The following TTC17 variants were observed in gnomAD, a reference collection of about 807,000 sequenced individuals.
TTC17 encodes tetratricopeptide repeat protein 17.
A neutral mutation model predicts 143.8 loss-of-function variants in TTC17; 58 were observed. The observed-to-expected ratio is 0.40, with a 90% CI of 0.33 to 0.50. The LOEUF is 0.50. Ranked by LOEUF, TTC17 falls within the 20% of genes least tolerant of loss-of-function variation. The pLI, the probability that TTC17 is intolerant of heterozygous loss-of-function variation, is 0.49. For synonymous variants in TTC17, 501 were observed against 497.8 expected (o/e 1.01, Z -0.09); for missense variants, 1,273 against 1,392.5 (o/e 0.91, Z 1.37).
chr11:43,471,050 G>A (rs1346816679), intron 21 of TTC17, among the ~76,000 whole-genome samples: 3 of 152,142 alleles, frequency 2.0e-5, no homozygotes, highest in Admixed American at 6.5e-5. Flanking sequence ...GTCACTAACT[G>A]TCAGCAGTTG....
At chr11:43,417,608 G>A (rs900148345) in intron 16 of TTC17, among the ~76,000 whole-genome samples, 8 of 152,184 alleles carry the variant, frequency 5.3e-5, no homozygotes, top group African/African-American at 1.9e-4. Context: ...GACCAAGGTA[G>A]GTGGATCACC....
chr11:43,440,941 G>T (rs1947403688), intron 16 of TTC17, among the ~76,000 whole-genome samples: 1 of 151,440 alleles, frequency 6.6e-6, no homozygotes, highest in Non-Finnish European at 1.5e-5. Context: ...GTAGACAAAT[G>T]AGTCTATGCA....
intron 21 of TTC17, among the ~76,000 whole-genome samples, chr11:43,476,438 C>T (rs1046363763): frequency 2.0e-5 from 3 of 152,176 alleles, no homozygotes; most frequent in African/African-American, 7.2e-5. Flanking sequence ...TGTATTCGTT[C>T]GTTTTCTTGC....
Position 43,359,007 on chromosome 11 carries a change from G to A in TTC17, c.53G>A (p.Gly18Asp). Residue 18 changes from glycine (G) to aspartate (D), a missense_variant, in exon 1 of 24, where the codon GGC becomes GAC. Transcript: ENST00000039989. ...CGGTACGAGCTGCCGCCTTGCTCCG[G>A]CCCAGGCTGGCTCCTCAGCCTTTCC... ...RGRYELPPCS[G>D]PGWLLSLSAL... The A allele has an allele frequency of 1.3e-6, 2 of 1,588,942 alleles. No homozygotes were observed. Among genetic ancestry groups the A allele is most frequent in the Non-Finnish European group, 1.7e-6 (2 of 1,168,586 alleles).
intron 21 of TTC17, among the ~76,000 whole-genome samples, chr11:43,466,183 A>T (rs1031550070): frequency 6.6e-6 from 1 of 152,244 alleles, no homozygotes; most frequent in Non-Finnish European, 1.5e-5. Flanking sequence ...AATATGCTCA[A>T]TACCACAAAT....
chr11:43,464,526 C>CA lies in TTC17; in HGVS notation c.3030+13265dup, dbSNP rs942425950. On this transcript the variant is annotated intron_variant, in intron 21 of 23. Transcript: ENST00000039989. ...TTGCATTTCAAACAGGCGCAATGAA[C>CA]AAAATGAAAAGCTGGGAACAGTATT... Among the ~76,000 whole-genome samples the CA allele has an allele frequency of 5.1e-4, 77 of 151,856 alleles. 1 individual carries two copies. Among genetic ancestry groups the CA allele is most frequent in the Middle Eastern group, 3.4e-3 (1 of 294 alleles).
At chr11:43,473,256 A>T (rs1175559871) in intron 21 of TTC17, among the ~76,000 whole-genome samples, 3 of 152,230 alleles carry the variant, frequency 2.0e-5, no homozygotes, top group African/African-American at 7.2e-5. Context: ...GGTCAATGAA[A>T]AAAGCACAAA....
At chr11:43,390,761 A>G (rs1212754547) in intron 3 of TTC17, among the ~76,000 whole-genome samples, 1 of 152,170 alleles carries the variant, frequency 6.6e-6, no homozygotes, top group Non-Finnish European at 1.5e-5. Context: ...AAAATTTCTC[A>G]GAAATTATCA....
intron 21 of TTC17, among the ~76,000 whole-genome samples, chr11:43,481,231 AAAAG>A (rs147735494): frequency 0.093 from 14,050 of 151,214 alleles, 789 homozygotes; most frequent in Middle Eastern, 0.16. Flanking sequence ...TAAAGCAAAC[AAAAG>A]AAAGATAGAT....
chr11:43,430,812 G>T (rs1390526364), intron 16 of TTC17, among the ~76,000 whole-genome samples: 2 of 150,696 alleles, frequency 1.3e-5, no homozygotes, highest in Non-Finnish European at 2.9e-5. Context: ...TATACTTGAA[G>T]TTCTGGGATA....
At chr11:43,386,367 C>T (rs1857169682) in intron 2 of TTC17, among the ~76,000 whole-genome samples, 2 of 152,144 alleles carry the variant, frequency 1.3e-5, no homozygotes, top group Admixed American at 1.3e-4. Context: ...GCCTGTATAA[C>T]ATGTTACTGT....
intron 21 of TTC17, among the ~76,000 whole-genome samples, chr11:43,471,475 C>G (rs1208214676): frequency 6.6e-6 from 1 of 152,212 alleles, no homozygotes; most frequent in East Asian, 1.9e-4. Flanking sequence ...CCTAATGCAT[C>G]AGCTGCACCA....
chr11:43,486,253 T>C (rs939787491), intron 21 of TTC17, among the ~76,000 whole-genome samples: 7 of 152,112 alleles, frequency 4.6e-5, no homozygotes, highest in Admixed American at 2.6e-4. Context: ...AAAATAAATA[T>C]AAGTTTTTAA....
Position 43,493,702 on chromosome 11 carries a change from A to G in TTC17, c.3295-71A>G. On this transcript the variant is annotated intron_variant, in intron 23 of 23. Coordinates refer to ENST00000039989, the MANE Select transcript of TTC17 (RefSeq NM_018259.6). ...CCTAGTACAGAGGTGCTTCTTGAGA[A>G]AAAAGAGGTCACAGTATATATTTAG... The G allele has an allele frequency of 1.9e-6, 3 of 1,609,098 alleles. No individual in the cohort carries two copies. In the Admixed American group the frequency reaches 5.0e-5, roughly 27 times the overall value.
chr11:43,370,807 T>TGTTG (rs1309545010), intron 1 of TTC17, among the ~76,000 whole-genome samples: 2 of 151,658 alleles, frequency 1.3e-5, no homozygotes, highest in South Asian at 2.1e-4. Context: ...TTTGTTTGTT[T>TGTTG]GTTTGTTTGT....
intron 1 of TTC17, chr11:43,378,913 A>G (rs1495261): frequency 0.088 from 21,605 of 246,534 alleles, 1,352 homozygotes; most frequent in Admixed American, 0.23. Flanking sequence ...TTATTATTAC[A>G]GGCATGAAAC....
chr11:43,443,341 G>T lies in TTC17; in HGVS notation c.2268G>T (p.Glu756Asp). The T allele has an allele frequency of 3.1e-6, 5 of 1,614,054 alleles. No homozygotes were observed. The highest frequency in any genetic ancestry group is 4.2e-6 in the Non-Finnish European group (5 of 1,179,980). ...GAATTTCAGGTACGGTGGTTGAGGA[G>T]AGCAATGGTTCTGATGAGATGGAGA... ...SSVCSGTVVE[E>D]SNGSDEMENS... Residue 756 changes from glutamate to aspartate, a missense_variant, in exon 17 of 24, where the codon GAG (glutamate) becomes GAT (aspartate). Coordinates refer to ENST00000039989, the MANE Select transcript of TTC17 (RefSeq NM_018259.6).
chr11:43,483,753 A>C (rs1948329611), intron 21 of TTC17, among the ~76,000 whole-genome samples: 1 of 152,222 alleles, frequency 6.6e-6, no homozygotes, highest in Admixed American at 6.5e-5. Flanking sequence ...AGGAAATATG[A>C]AAAATAATTA....
chr11:43,430,709 G>GCACGCACACACACA (rs1554994151), intron 16 of TTC17, among the ~76,000 whole-genome samples: 1 of 138,448 alleles, frequency 7.2e-6, no homozygotes, highest in Non-Finnish European at 1.5e-5. Flanking sequence ...CTACATACAC[G>GCACGCACACACACA]CACACACACA....
Sources: gnomAD v4.1 joint callset for allele counts (sites outside exome capture counted in the v4.1 genomes callset) on GRCh38, gnomAD v4.1.1 for gene constraint, MANE v1.5 for transcripts, NCBI Gene and HGNC (gene_info 2026-07-23, HGNC 2026-07-21) for gene names.